SAMD12: variants seen among roughly 807,000 people sequenced by gnomAD.
SAMD12 encodes sterile alpha motif domain containing 12.
SAMD12 carries 9 observed loss-of-function variants against 15.0 expected under a neutral mutation model. That is an observed-to-expected ratio of 0.60 (90% CI 0.36 to 1.05). The LOEUF (loss-of-function observed/expected upper bound fraction) is 1.05. SAMD12 is among the 50% of genes least tolerant of loss of function. The pLI, the probability that SAMD12 is intolerant of heterozygous loss-of-function variation, is 0.01. For missense variants in SAMD12, 230 were observed against 234.2 expected (o/e 0.98, Z 0.12); for synonymous variants, 86 against 90.1 (o/e 0.96, Z 0.25).
intron 4 of SAMD12, among the ~76,000 whole-genome samples, chr8:118,370,648 G>T (rs1351834325): frequency 1.3e-5 from 2 of 152,130 alleles, no homozygotes. Flanking sequence ...CATTGATGGA[G>T]CTGGAAGCCA....
intron 2 of SAMD12, among the ~76,000 whole-genome samples, chr8:118,454,736 G>A (rs924770729): frequency 6.6e-6 from 1 of 152,046 alleles, no homozygotes; most frequent in Non-Finnish European, 1.5e-5. Context: ...TGATCTCCAG[G>A]ACTCTTTCCA....
intron 4 of SAMD12, among the ~76,000 whole-genome samples, chr8:118,224,217 A>G (rs1812139341): frequency 1.3e-5 from 2 of 152,172 alleles, no homozygotes; most frequent in African/African-American, 2.4e-5. Context: ...CAGGCTTTGG[A>G]AAGGTCTGGG....
At chr8:118,171,981 C>T in the SAMD12 span, among the ~76,000 whole-genome samples, 1 of 152,094 alleles carries the variant, frequency 6.6e-6, no homozygotes, top group African/African-American at 2.4e-5. Context: ...TGGAAACCAT[C>T]ACTCTGAGCA....
At chr8:118,406,243 T>TA (rs1212674190) in intron 3 of SAMD12, among the ~76,000 whole-genome samples, 10 of 151,840 alleles carry the variant, frequency 6.6e-5, no homozygotes, top group African/African-American at 1.5e-4. Context: ...ATATATAACA[T>TA]AATTTACCAT....
the SAMD12 span, among the ~76,000 whole-genome samples, chr8:118,160,641 G>A: frequency 6.6e-6 from 1 of 152,162 alleles, no homozygotes; most frequent in Non-Finnish European, 1.5e-5. Context: ...ATACAAATAA[G>A]AAGAAATTTT....
the SAMD12 span, among the ~76,000 whole-genome samples, chr8:118,149,904 T>G: frequency 6.6e-6 from 1 of 151,640 alleles, no homozygotes; most frequent in Non-Finnish European, 1.5e-5. Context: ...GGGTCTATTT[T>G]TGGACTCTAT....
chr8:118,142,005 G>T, the SAMD12 span, among the ~76,000 whole-genome samples: 21 of 152,294 alleles, frequency 1.4e-4, no homozygotes, highest in African/African-American at 4.8e-4. Context: ...AACATGAAAT[G>T]ATACCTTCTA....
At chr8:118,197,805 A>G in intron 4 of SAMD12, 10 of 1,349,026 alleles carry the variant, frequency 7.4e-6, no homozygotes, top group South Asian at 1.2e-5. Context: ...TGTAGCAATT[A>G]TCTTATTCAA....
chr8:118,332,553 A>G (rs1816854926), intron 4 of SAMD12, among the ~76,000 whole-genome samples: 1 of 152,196 alleles, frequency 6.6e-6, no homozygotes, highest in Non-Finnish European at 1.5e-5. Flanking sequence ...TGCTTTTTTC[A>G]GCATAAGCAT....
chr8:118,436,333 T>C (rs1244743857), intron 3 of SAMD12, among the ~76,000 whole-genome samples: 1 of 152,194 alleles, frequency 6.6e-6, no homozygotes, highest in Admixed American at 6.5e-5. Flanking sequence ...TAAATATTAT[T>C]TTACTGACAA....
At chr8:118,332,876 C>T (rs11994015) in intron 4 of SAMD12, among the ~76,000 whole-genome samples, 35,250 of 152,092 alleles carry the variant, frequency 0.23, 4,348 homozygotes, top group African/African-American at 0.29. Flanking sequence ...TTCTGGAGTC[C>T]CCTGCTTCTT....
At chr8:118,400,948 AG>A (rs1197304028) in intron 3 of SAMD12, among the ~76,000 whole-genome samples, 11 of 152,270 alleles carry the variant, frequency 7.2e-5, no homozygotes, top group Non-Finnish European at 1.0e-4. Flanking sequence ...GGTTAAATTA[AG>A]TCTTCCACAT....
At chr8:118,569,317 T>C (rs1181012957) in intron 2 of SAMD12, among the ~76,000 whole-genome samples, 6 of 152,164 alleles carry the variant, frequency 3.9e-5, no homozygotes, top group Non-Finnish European at 7.3e-5. Flanking sequence ...ATATATAGGA[T>C]GTATATGAAA....
downstream of SAMD12, among the ~76,000 whole-genome samples, chr8:118,376,736 AG>A (rs1390150226): frequency 6.6e-6 from 1 of 152,076 alleles, no homozygotes; most frequent in Non-Finnish European, 1.5e-5. Flanking sequence ...GGGAAGCCCA[AG>A]GATTTCCAAA....
At chr8:118,227,346 C>G (rs937572222) in intron 4 of SAMD12, among the ~76,000 whole-genome samples, 1 of 152,024 alleles carries the variant, frequency 6.6e-6, no homozygotes, top group East Asian at 1.9e-4. Flanking sequence ...AAGGGAACAA[C>G]AGACATTGGG....
intron 2 of SAMD12, among the ~76,000 whole-genome samples, chr8:118,488,192 T>C (rs910001438): frequency 2.0e-5 from 3 of 150,916 alleles, no homozygotes; most frequent in African/African-American, 7.4e-5. Context: ...ATAAGACATG[T>C]ATTGTGTACA....
intron 3 of SAMD12, among the ~76,000 whole-genome samples, chr8:118,402,432 T>C (rs562839492): frequency 6.6e-6 from 1 of 152,318 alleles, no homozygotes; most frequent in Non-Finnish European, 1.5e-5. Flanking sequence ...TGAAACATCA[T>C]GGAGAAAACA....
At chr8:118,499,891 T>A (rs1824729792) in intron 2 of SAMD12, among the ~76,000 whole-genome samples, 1 of 152,060 alleles carries the variant, frequency 6.6e-6, no homozygotes, top group African/African-American at 2.4e-5. Context: ...TACAGAAGAC[T>A]GTCCTTAATA....
chr8:118,351,648 T>C (rs1817970004), intron 4 of SAMD12, among the ~76,000 whole-genome samples: 1 of 152,150 alleles, frequency 6.6e-6, no homozygotes, highest in Non-Finnish European at 1.5e-5. Context: ...AGAAAGGAGC[T>C]TGCCCAAGTT....
Sources: allele counts gnomAD v4.1 joint callset (sites outside exome capture counted in the v4.1 genomes callset), GRCh38; gene constraint gnomAD v4.1.1; transcripts MANE v1.5; gene names NCBI Gene and HGNC (gene_info 2026-07-23, HGNC 2026-07-21).